The following HSPA14 variants were observed in gnomAD, a reference collection of about 807,000 sequenced individuals.
The protein encoded by HSPA14 is heat shock 70 kDa protein 14.
HSPA14 carries 37 observed loss-of-function variants against 65.5 expected under a neutral mutation model. That is an observed-to-expected ratio of 0.56 (90% confidence interval 0.43 to 0.74). HSPA14 has a LOEUF of 0.74. Ranked by LOEUF, HSPA14 falls within the 30% of genes least tolerant of loss-of-function variation. The pLI is 0.00. For missense variants in HSPA14, 564 were observed against 607.6 expected, an observed-to-expected ratio of 0.93 and a Z score of 0.75; for synonymous variants, 203 against 214.2, an observed-to-expected ratio of 0.95 and a Z score of 0.46.
At chr10:14,865,736 A>T (rs1160682898) in intron 10 of HSPA14, among the ~76,000 whole-genome samples, 1 of 152,222 alleles carries the variant, frequency 6.6e-6, no homozygotes, top group African/African-American at 2.4e-5. Context: ...GCGTTATAGT[A>T]TAGTTTGAAG....
At position 14,848,663 on chromosome 10, in the gene HSPA14, T is replaced by G; in HGVS notation, c.270+6T>G. 1 of 1,606,298 alleles carries G rather than the reference T, an allele frequency of 6.2e-7. No homozygotes were observed. Among genetic ancestry groups the G allele is most frequent in the Non-Finnish European group, 8.5e-7 (1 of 1,174,156 alleles). ...TCGCGGAAAGTAAATGTTTAGTGAG[T>G]ATGGTTCTGTTATTGCTTCCCTGTT... On this transcript the variant is annotated splice_donor_region_variant and intron_variant, in intron 4 of 13. Coordinates refer to ENST00000378372, the MANE Select transcript of HSPA14 (RefSeq NM_016299.4).
chr10:14,846,231 G>A (rs563263138), intron 3 of HSPA14: 1 of 985,090 alleles, frequency 1.0e-6, no homozygotes, highest in Non-Finnish European at 1.2e-6. Context: ...TTATAGGTAG[G>A]TAGGTAGGTA....
intron 12 of HSPA14, among the ~76,000 whole-genome samples, chr10:14,869,950 C>G (rs947948475): frequency 7.9e-5 from 12 of 152,304 alleles, no homozygotes; most frequent in African/African-American, 2.9e-4. Flanking sequence ...CCCATCTGTT[C>G]TAACCTTATT....
At chr10:14,857,158 C>T (rs372382157) in intron 10 of HSPA14, among the ~76,000 whole-genome samples, 4 of 152,068 alleles carry the variant, frequency 2.6e-5, no homozygotes, top group Non-Finnish European at 5.9e-5. Flanking sequence ...AAAAAGGAAA[C>T]GCACTGTCAG....
At chr10:14,839,584 A>G (rs941098427) in intron 1 of HSPA14, among the ~76,000 whole-genome samples, 1 of 152,218 alleles carries the variant, frequency 6.6e-6, no homozygotes, top group South Asian at 2.1e-4. Context: ...AAAAAAAAAA[A>G]AAAGAAATGG....
chr10:14,840,153 A>C lies in HSPA14; in HGVS notation c.217A>C (p.Arg73=). The change falls in exon 3 of 14, where the codon AGA becomes CGA. Residue 73 remains arginine, a synonymous_variant. Transcript: ENST00000378372. The stretch of plus-strand genomic sequence containing the variant: ...AATGAAAGTAAAGCAGATCCTGGGC[A>C]GAAGGTATGGAATCAAATGATACTT... ...TVMKVKQILG[R]SSSDPQAQKY... 1 of 1,413,430 alleles carries C rather than the reference A, an allele frequency of 7.1e-7. No individual in the cohort carries two copies. Among genetic ancestry groups the C allele is most frequent in the Non-Finnish European group, 9.5e-7 (1 of 1,052,064 alleles). The allele number at this position is 1,413,430 out of a possible 1,614,324, so 87.6% of individuals were successfully genotyped here.
intron 9 of HSPA14, 34 bp downstream of exon 9, chr10:14,854,314 A>C (rs1175877992): frequency 6.5e-7 from 1 of 1,534,176 alleles, no homozygotes; most frequent in Non-Finnish European, 8.8e-7. Flanking sequence ...TTTTTAAAAA[A>C]TTCCAAGAAC....
chr10:14,842,942 T>A lies in HSPA14; in HGVS notation c.221+2785T>A, dbSNP rs1023067563. 1.7e-5 allele frequency: 16 copies of A among 925,194 alleles called. No individual in the cohort carries two copies. Among genetic ancestry groups the A allele is most frequent in the Non-Finnish European group, 2.4e-5 (15 of 632,692 alleles). The allele number at this position is 925,194 out of a possible 1,614,324, so 57.3% of individuals were successfully genotyped here. Reference sequence around the variant, plus strand: ...TGGATAGTGTCCTCTTCAGCATAGTTCCTGTTTCTGCCTCATTCTGCCCCA... The same window carrying A: ...TGGATAGTGTCCTCTTCAGCATAGTACCTGTTTCTGCCTCATTCTGCCCCA... On this transcript the variant is annotated intron_variant, in intron 3 of 13. Transcript: ENST00000378372. The surrounding 1 kb of genome is among the most constrained non-coding windows in gnomAD (Gnocchi z 5.2).
chr10:14,846,104 C>T, intron 3 of HSPA14: 1 of 982,988 alleles, frequency 1.0e-6, no homozygotes, highest in Non-Finnish European at 1.2e-6. Context: ...TTCTAAGTGC[C>T]ACACCAGACA....
chr10:14,869,134 T>C (rs1331852392), intron 12 of HSPA14, among the ~76,000 whole-genome samples: 6 of 152,110 alleles, frequency 3.9e-5, no homozygotes, highest in Non-Finnish European at 8.8e-5. Context: ...AAAAAATATA[T>C]GCACATTCAG....
intron 6 of HSPA14, among the ~76,000 whole-genome samples, chr10:14,850,307 A>G (rs867850718): frequency 6.6e-6 from 1 of 151,904 alleles, no homozygotes; most frequent in Non-Finnish European, 1.5e-5. Context: ...AAAATTAAAT[A>G]TGGTGTACCT....
At position 14,840,037 on chromosome 10, in the gene HSPA14, T is replaced by A. The variant is rs750412296; in HGVS notation, c.139-38T>A. 4.6e-6 allele frequency: 6 copies of A among 1,317,662 alleles called. No homozygotes were observed. In the Admixed American group the frequency reaches 1.2e-4, roughly 27 times the overall value. The allele number at this position is 1,317,662 out of a possible 1,614,324, so 81.6% of individuals were successfully genotyped here. A position where few individuals can be genotyped will look rare whatever the true frequency, so the allele number is the denominator to read the frequency against. ...CTGAAATAATTTAAAATTACATACATTGTAATATATATATATATATATTAT... is the reference window on the plus strand; with the variant it reads ...CTGAAATAATTTAAAATTACATACAATGTAATATATATATATATATATTAT... On this transcript the variant is annotated intron_variant, in intron 2 of 13. Coordinates refer to ENST00000378372, the MANE Select transcript of HSPA14 (RefSeq NM_016299.4).
In HSPA14 at chr10:14,838,476, C is replaced by T. The variant is rs1446649081; in HGVS notation, c.57+17C>T. The T allele has an allele frequency of 1.9e-6, 3 of 1,595,626 alleles. No individual in the cohort carries two copies. Among genetic ancestry groups the T allele is most frequent in the Non-Finnish European group, 2.6e-6 (3 of 1,173,532 alleles). ...GTCTATAAGGTGAGGGGCTGCGGAG[C>T]TGGGCTAGGGCTTCATGACGGCCAC... is the stretch of plus-strand genomic sequence containing the variant. On this transcript the variant is annotated intron_variant, in intron 1 of 13. Coordinates refer to ENST00000378372, the MANE Select transcript of HSPA14 (RefSeq NM_016299.4).
chr10:14,862,863 T>C (rs1832767699), intron 10 of HSPA14, among the ~76,000 whole-genome samples: 1 of 151,846 alleles, frequency 6.6e-6, no homozygotes, highest in Non-Finnish European at 1.5e-5. Flanking sequence ...TTTGTATTTT[T>C]TGTGAAGATG....
At chr10:14,843,803 G>A (rs753188582) in intron 3 of HSPA14, 23 of 1,536,254 alleles carry the variant, frequency 1.5e-5, no homozygotes, top group South Asian at 1.3e-4. Flanking sequence ...GCAGTCAGAC[G>A]TTTGGCAACA....
intron 10 of HSPA14, among the ~76,000 whole-genome samples, chr10:14,864,975 T>C (rs376000779): frequency 1.3e-5 from 2 of 152,036 alleles, no homozygotes; most frequent in Non-Finnish European, 2.9e-5. Flanking sequence ...ACATCCTCTC[T>C]AGCACCTGTT....
rs1344094885 is a variant in HSPA14, at chr10:14,840,155, A to T, written c.219A>T (p.Arg73Ser). Residue 73 changes from arginine (R) to serine (S), a missense_variant and splice_region_variant, in exon 3 of 14, where the codon AGA becomes AGT. Physicochemically the swap from Arg to Ser is moderately radical, Grantham distance 110 (BLOSUM62 -1). Coordinates refer to ENST00000378372, the MANE Select transcript of HSPA14 (RefSeq NM_016299.4). The part of the protein sequence containing the change: ...TVMKVKQILG[R>S]SSSDPQAQKY... The stretch of plus-strand genomic sequence containing the variant: ...TGAAAGTAAAGCAGATCCTGGGCAG[A>T]AGGTATGGAATCAAATGATACTTTT... 5.8e-6 allele frequency: 8 copies of T among 1,390,496 alleles called. No individual in the cohort carries two copies. The highest frequency in any genetic ancestry group is 7.7e-6 in the Non-Finnish European group (8 of 1,032,772). 86.1% of individuals were successfully genotyped at this position (1,390,496 alleles called of 1,614,324 possible). A position where few individuals can be genotyped will look rare whatever the true frequency, so the allele number is the denominator to read the frequency against.
Position 14,842,292 on chromosome 10 carries a change from G to T in HSPA14, c.221+2135G>T. On this transcript the variant is annotated intron_variant, in intron 3 of 13. Transcript: ENST00000378372. The surrounding 1 kb of genome is among the most constrained non-coding windows in gnomAD (Gnocchi z 5.2). ...CCTCCTTTCCAACCCACAATGGCCA[G>T]TGCCAATAGCAGTGCGGGCATCCGG... 1 of 1,535,468 alleles carries T rather than the reference G, an allele frequency of 6.5e-7. No individual in the cohort carries two copies. The highest frequency in any genetic ancestry group is 8.7e-7 in the Non-Finnish European group (1 of 1,146,362).
intron 10 of HSPA14, among the ~76,000 whole-genome samples, chr10:14,857,414 T>C (rs1363135842): frequency 6.6e-6 from 1 of 152,248 alleles, no homozygotes; most frequent in Non-Finnish European, 1.5e-5. Flanking sequence ...TACATTTTAC[T>C]ATAGCCTTGT....
Sources: allele counts gnomAD v4.1 joint callset (sites outside exome capture counted in the v4.1 genomes callset), GRCh38; gene constraint gnomAD v4.1.1; non-coding constraint Gnocchi (gnomAD v3.1); transcripts MANE v1.5; gene names NCBI Gene and HGNC (gene_info 2026-07-23, HGNC 2026-07-21).